TENM2: variants seen among roughly 807,000 people sequenced by gnomAD.
TENM2 encodes the protein teneurin transmembrane protein 2.
TENM2 carries 52 observed loss-of-function variants against 245.2 expected under a neutral mutation model. The ratio of observed to expected loss-of-function variants is 0.21; its 90% CI spans 0.17 to 0.27. TENM2 has a LOEUF of 0.27. Ranked by LOEUF, TENM2 falls within the 10% of genes least tolerant of loss-of-function variation. TENM2 has a pLI of 1.00. For synonymous variants in TENM2, 1,363 were observed against 1,438.9 expected, an observed-to-expected ratio of 0.95 and a Z score of 1.19; for missense variants, 3,046 against 3,666.8, an observed-to-expected ratio of 0.83 and a Z score of 4.37.
chr5:167,209,969 A>G, the TENM2 span, among the ~76,000 whole-genome samples: 1 of 152,166 alleles, frequency 6.6e-6, no homozygotes, highest in African/African-American at 2.4e-5. Context: ...TATATTGTAA[A>G]CTTCTAGATG....
chr5:167,800,074 T>C (rs1466724221), intron 2 of TENM2, among the ~76,000 whole-genome samples: 1 of 152,206 alleles, frequency 6.6e-6, no homozygotes, highest in Non-Finnish European at 1.5e-5. Flanking sequence ...AGGTATATGA[T>C]TACACCTTGA....
intron 1 of TENM2, among the ~76,000 whole-genome samples, chr5:167,363,730 C>CAAAAAAAAAAAAAAAAA (rs10659741): frequency 6.7e-5 from 6 of 89,292 alleles, no homozygotes; most frequent in East Asian, 3.0e-4. Flanking sequence ...GACTCCATCT[C>CAAAAAAAAAAAAAAAAA]AAAAAAAAAA....
intron 5 of TENM2, among the ~76,000 whole-genome samples, chr5:168,034,093 G>A (rs930638470): frequency 1.1e-4 from 13 of 122,508 alleles, no homozygotes; most frequent in East Asian, 2.6e-4. Context: ...ATATATATGT[G>A]TATATATATA....
At chr5:167,474,716 A>G (rs1767255168) in intron 2 of TENM2, among the ~76,000 whole-genome samples, 1 of 152,068 alleles carries the variant, frequency 6.6e-6, no homozygotes, top group Non-Finnish European at 1.5e-5. Context: ...GGGTTTCGCC[A>G]TGTTAGTCAG....
At chr5:167,992,374 G>A (rs17069523) in intron 4 of TENM2, among the ~76,000 whole-genome samples, 9,896 of 152,246 alleles carry the variant, frequency 0.065, 390 homozygotes, top group East Asian at 0.16. Context: ...AAATAGTTGT[G>A]ACAATACATT....
chr5:167,940,262 G>A (rs62384408), intron 3 of TENM2, among the ~76,000 whole-genome samples: 13,845 of 152,094 alleles, frequency 0.091, 1,195 homozygotes, highest in African/African-American at 0.23. Flanking sequence ...ATTTGTCAAT[G>A]TGTAATTAAT....
chr5:168,225,761 CAAAAAAAA>C (rs567948197), intron 23 of TENM2, among the ~76,000 whole-genome samples: 1 of 57,132 alleles, frequency 1.8e-5, no homozygotes, highest in Admixed American at 2.0e-4. Flanking sequence ...TCCATCATCT[CAAAAAAAA>C]AAAAAAAAAA....
intron 2 of TENM2, among the ~76,000 whole-genome samples, chr5:167,597,139 A>G (rs951477277): frequency 3.4e-5 from 5 of 147,568 alleles, no homozygotes; most frequent in Non-Finnish European, 7.5e-5. Context: ...ACACCCATAC[A>G]TATTTCTTTT....
At chr5:167,781,598 G>T (rs79032928) in intron 2 of TENM2, among the ~76,000 whole-genome samples, 3,144 of 152,234 alleles carry the variant, frequency 0.021, 118 homozygotes, top group African/African-American at 0.071. Context: ...GCTGAGAAAA[G>T]AAAGAATAAA....
chr5:167,081,094 A>T, the TENM2 span, among the ~76,000 whole-genome samples: 1 of 151,860 alleles, frequency 6.6e-6, no homozygotes, highest in Non-Finnish European at 1.5e-5. Flanking sequence ...TACCCCTACC[A>T]ACAATGTAGA....
chr5:167,478,707 A>G (rs1292185249), intron 2 of TENM2, among the ~76,000 whole-genome samples: 3 of 152,188 alleles, frequency 2.0e-5, no homozygotes, highest in Non-Finnish European at 4.4e-5. Flanking sequence ...TCTCACTACA[A>G]AAAAGCACAG....
the TENM2 span, among the ~76,000 whole-genome samples, chr5:167,247,884 T>C: frequency 6.6e-6 from 1 of 152,164 alleles, no homozygotes; most frequent in Non-Finnish European, 1.5e-5. Flanking sequence ...CGCTTCTAAA[T>C]GTAGGCTCTA....
intron 2 of TENM2, among the ~76,000 whole-genome samples, chr5:167,779,526 G>A (rs986021039): frequency 6.6e-6 from 1 of 152,146 alleles, no homozygotes; most frequent in African/African-American, 2.4e-5. Context: ...ACAAAATTAC[G>A]TGGGGTGAGA....
chr5:167,865,698 A>G (rs1223457611), intron 2 of TENM2, among the ~76,000 whole-genome samples: 1 of 152,186 alleles, frequency 6.6e-6, no homozygotes, highest in Non-Finnish European at 1.5e-5. Context: ...TCACTTAATA[A>G]ATCTAACAGC....
intron 2 of TENM2, among the ~76,000 whole-genome samples, chr5:167,845,398 C>T (rs370624308): frequency 7.9e-5 from 12 of 152,210 alleles, no homozygotes; most frequent in African/African-American, 2.6e-4. Context: ...TAAATCTTAA[C>T]TTCCAAGACC....
chr5:167,281,011 T>C (rs1771025131), upstream of TENM2, among the ~76,000 whole-genome samples: 1 of 152,094 alleles, frequency 6.6e-6, no homozygotes, highest in Admixed American at 6.5e-5. Flanking sequence ...CTATTCCATC[T>C]TTCTGGAAGC....
the TENM2 span, among the ~76,000 whole-genome samples, chr5:167,056,733 T>TTA: frequency 6.7e-6 from 1 of 150,280 alleles, no homozygotes; most frequent in Admixed American, 6.7e-5. Flanking sequence ...AGTTTGAATA[T>TTA]GATATACCTA....
chr5:167,980,341 G>A (rs1028289521), intron 4 of TENM2, among the ~76,000 whole-genome samples: 1 of 152,178 alleles, frequency 6.6e-6, no homozygotes, highest in African/African-American at 2.4e-5. Context: ...GGGAAAGGCT[G>A]ATCAAGAAAT....
chr5:168,197,176 A>C (rs1431080894), intron 15 of TENM2, among the ~76,000 whole-genome samples: 2 of 152,246 alleles, frequency 1.3e-5, no homozygotes, highest in African/African-American at 4.8e-5. Context: ...GCACATAAAT[A>C]AAGTAATTAA....
Sources: gnomAD v4.1 joint callset for allele counts (sites outside exome capture counted in the v4.1 genomes callset) on GRCh38, gnomAD v4.1.1 for gene constraint, MANE v1.5 for transcripts, NCBI Gene and HGNC (gene_info 2026-07-23, HGNC 2026-07-21) for gene names.